The following TTC3 variants were observed in gnomAD, a reference collection of about 807,000 sequenced individuals.
The protein encoded by TTC3 is tetratricopeptide repeat domain 3, also known as E3 ubiquitin-protein ligase TTC3.
A neutral mutation model predicts 249.6 loss-of-function variants in TTC3; 180 were observed. The observed-to-expected ratio is 0.72, with a 90% confidence interval of 0.64 to 0.82. The LOEUF is 0.82. Among genes scored for constraint, TTC3 ranks in the 40% least tolerant of loss-of-function variants. The pLI, the probability that TTC3 is intolerant of heterozygous loss-of-function variation, is 0.00. For synonymous variants in TTC3, 717 were observed against 805.0 expected, an observed-to-expected ratio of 0.89 and a Z score of 1.85; for missense variants, 2,061 against 2,398.4, an observed-to-expected ratio of 0.86 and a Z score of 2.94.
Position 37,096,761 on chromosome 21 carries a change from C to G in TTC3, c.845+118C>G, listed in dbSNP as rs1299503629. On this transcript the variant is annotated intron_variant, in intron 10 of 45. Transcript: ENST00000355666. Reference sequence around the variant, plus strand: ...CTTGACTGGTTCTTTGGCAGAAATACTTAAGTGGTTAAAAGAGTATGCTTA... The same window carrying G: ...CTTGACTGGTTCTTTGGCAGAAATAGTTAAGTGGTTAAAAGAGTATGCTTA... The G allele has an allele frequency of 5.5e-6, 4 of 726,550 alleles. No individual in the cohort carries two copies. In the East Asian group the frequency reaches 1.1e-4, roughly 19 times the overall value. 45.0% of individuals were successfully genotyped at this position (726,550 alleles called of 1,614,324 possible).
intron 31 of TTC3, among the ~76,000 whole-genome samples, chr21:37,163,660 CT>C (rs1400261707): frequency 6.6e-6 from 1 of 152,130 alleles, no homozygotes; most frequent in Non-Finnish European, 1.5e-5. Flanking sequence ...TAAAAAAAAC[CT>C]TTTATTAATA....
At chr21:37,170,566 C>T (rs908121498) in intron 34 of TTC3, among the ~76,000 whole-genome samples, 5 of 152,084 alleles carry the variant, frequency 3.3e-5, no homozygotes, top group Non-Finnish European at 5.9e-5. Context: ...CAATCTAAAC[C>T]TCCATCAATA....
chr21:37,105,123 A>G (rs540854542), intron 10 of TTC3, among the ~76,000 whole-genome samples: 2 of 152,336 alleles, frequency 1.3e-5, no homozygotes, highest in Admixed American at 1.3e-4. Context: ...CTGAGAAGCC[A>G]GTTACAGTGG....
chr21:37,157,377 G>T (rs1380638504), intron 28 of TTC3, among the ~76,000 whole-genome samples: 1 of 152,162 alleles, frequency 6.6e-6, no homozygotes, highest in Non-Finnish European at 1.5e-5. Flanking sequence ...CCTTAGTTTG[G>T]TTCATTAAAA....
At chr21:37,191,376 A>G in exon 40 of TTC3, 1 of 1,592,090 alleles carries the variant, frequency 6.3e-7, no homozygotes, top group Non-Finnish European at 8.5e-7. Context: ...ATATACGTTC[A>G]TGGGAATTGT....
chr21:37,180,905 A>T (rs2835650), intron 35 of TTC3, among the ~76,000 whole-genome samples: 8,800 of 152,174 alleles, frequency 0.058, 633 homozygotes, highest in African/African-American at 0.15. Context: ...TATTTATTTT[A>T]GAACAACACT....
At chr21:37,139,625 G>A (rs183870298) in intron 19 of TTC3, among the ~76,000 whole-genome samples, 11 of 152,262 alleles carry the variant, frequency 7.2e-5, no homozygotes, top group Admixed American at 6.5e-4. Flanking sequence ...CAGTGTCACA[G>A]ATTAATAATG....
intron 10 of TTC3, among the ~76,000 whole-genome samples, chr21:37,105,302 T>G (rs1037447075): frequency 6.6e-6 from 1 of 152,102 alleles, no homozygotes; most frequent in African/African-American, 2.4e-5. Context: ...GTGAGTCTCT[T>G]TAAATGGTAA....
chr21:37,137,464 C>G (rs1041125392), intron 18 of TTC3, among the ~76,000 whole-genome samples: 1 of 152,174 alleles, frequency 6.6e-6, no homozygotes, highest in Non-Finnish European at 1.5e-5. Context: ...GAGGAAGTCA[C>G]TGCAGATGTG....
intron 42 of TTC3, 88 bp from the exon 43 acceptor site, chr21:37,197,482 G>T: frequency 6.6e-7 from 1 of 1,510,720 alleles, no homozygotes; most frequent in Non-Finnish European, 9.2e-7. Flanking sequence ...GTTTCTTTGG[G>T]TTGGGCTGTT....
In TTC3 at chr21:37,191,423, AG is replaced by A; in HGVS notation, c.5115+1del. 6.4e-7 allele frequency: 1 copy of A among 1,569,350 alleles called. No homozygotes were observed. Among genetic ancestry groups the A allele is most frequent in the South Asian group, 1.2e-5 (1 of 81,376 alleles). Reference sequence around the variant, plus strand: ...GTTACAAAAGAAATTGAGAAAGCAAAGGTAAGTTGTAAACATCTTTTAATCC... The same window carrying A: ...GTTACAAAAGAAATTGAGAAAGCAAAGTAAGTTGTAAACATCTTTTAATCC... On this transcript the variant is annotated frameshift_variant and splice_region_variant, in exon 40 of 46. Transcript: ENST00000355666. LOFTEE classifies it high-confidence loss of function.
chr21:37,073,315 G>GGCTGCTGCT (rs16998912), exon 1 of TTC3: 52 of 382,468 alleles, frequency 1.4e-4, no homozygotes, highest in African/African-American at 4.7e-4. Flanking sequence ...CGGCGGCGGC[G>GGCTGCTGCT]GCTGCTGCTG....
exon 46 of TTC3, chr21:37,202,553 A>G (rs866040363): frequency 3.3e-5 from 5 of 152,258 alleles, no homozygotes; most frequent in East Asian, 3.8e-4. Context: ...CTGTGTTACA[A>G]TCGTTCTGTG....
chr21:37,201,163 G>A (rs569829218), intron 45 of TTC3, among the ~76,000 whole-genome samples: 6 of 152,194 alleles, frequency 3.9e-5, no homozygotes, highest in Admixed American at 6.5e-5. Context: ...TGGAAGAGCC[G>A]AGCCTGGAAC....
At chr21:37,091,337 A>G (rs747626402) in exon 7 of TTC3, 3 of 1,611,718 alleles carry the variant, frequency 1.9e-6, no homozygotes, top group Non-Finnish European at 2.5e-6. Context: ...TAAAATATGC[A>G]GGCGATGTAA....
chr21:37,164,566 G>T (rs984269587), intron 32 of TTC3, among the ~76,000 whole-genome samples: 1 of 152,066 alleles, frequency 6.6e-6, no homozygotes, highest in African/African-American at 2.4e-5. Context: ...TCCAACTCCT[G>T]GCCTCAAGTG....
At chr21:37,080,625 T>C (rs1443872261) in intron 1 of TTC3, among the ~76,000 whole-genome samples, 1 of 152,186 alleles carries the variant, frequency 6.6e-6, no homozygotes, top group Non-Finnish European at 1.5e-5. Flanking sequence ...TTTTTGTTCT[T>C]CTGTATTTTG....
intron 37 of TTC3, among the ~76,000 whole-genome samples, chr21:37,186,588 G>GC (rs1404254880): frequency 1.3e-5 from 2 of 152,090 alleles, no homozygotes; most frequent in Admixed American, 1.3e-4. Flanking sequence ...CTACAGGCAC[G>GC]CACCACCATT....
At chr21:37,201,483 G>A in exon 46 of TTC3, 2 of 1,614,012 alleles carry the variant, frequency 1.2e-6, no homozygotes, top group Non-Finnish European at 8.5e-7. Context: ...TGCCCGGCCT[G>A]CCAGGGTCGT....
Sources: gnomAD v4.1 joint callset for allele counts (sites outside exome capture counted in the v4.1 genomes callset) on GRCh38, gnomAD v4.1.1 for gene constraint, MANE v1.5 for transcripts, NCBI Gene and HGNC (gene_info 2026-07-23, HGNC 2026-07-21) for gene names.